The following PCNX2 variants were observed in gnomAD, a reference collection of about 807,000 sequenced individuals.
The protein encoded by PCNX2 is pecanex-like protein 2.
PCNX2 carries 168 observed loss-of-function variants against 223.8 expected under a neutral mutation model. The observed-to-expected ratio is 0.75, with a 90% CI of 0.66 to 0.85. The LOEUF (loss-of-function observed/expected upper bound fraction) is 0.85, where lower values mean the gene tolerates loss of function less well. Ranked by LOEUF, PCNX2 falls within the 40% of genes least tolerant of loss-of-function variation. The pLI is 0.00. For synonymous variants in PCNX2, 1,006 were observed against 1,052.6 expected, an observed-to-expected ratio of 0.96 and a Z score of 0.86; for missense variants, 2,507 against 2,675.5, an observed-to-expected ratio of 0.94 and a Z score of 1.39.
chr1:233,155,599 A>G (rs1031885534), intron 19 of PCNX2, among the ~76,000 whole-genome samples: 1 of 152,250 alleles, frequency 6.6e-6, no homozygotes, highest in Non-Finnish European at 1.5e-5. Flanking sequence ...GTAAGAGTAC[A>G]GTCATCAAAT....
At chr1:233,204,490 C>T (rs1045103071) in intron 13 of PCNX2, among the ~76,000 whole-genome samples, 1 of 152,170 alleles carries the variant, frequency 6.6e-6, no homozygotes, top group African/African-American at 2.4e-5. Flanking sequence ...TTTCTTCTCT[C>T]CTTGCTAGTT....
At chr1:233,235,444 T>C (rs1425389836) in intron 9 of PCNX2, among the ~76,000 whole-genome samples, 9 of 151,750 alleles carry the variant, frequency 5.9e-5, no homozygotes. Context: ...AGCCACTGTA[T>C]CTGGCAACTG....
At chr1:233,160,788 A>G (rs1188265311) in intron 18 of PCNX2, among the ~76,000 whole-genome samples, 2 of 152,322 alleles carry the variant, frequency 1.3e-5, no homozygotes, top group Non-Finnish European at 2.9e-5. Context: ...ATATTTTTGT[A>G]TAGAGAAAGC....
At chr1:233,266,733 G>T (rs1660350791) in intron 1 of PCNX2, among the ~76,000 whole-genome samples, 2 of 152,130 alleles carry the variant, frequency 1.3e-5, no homozygotes, top group Admixed American at 6.5e-5. Context: ...TTATTTCTAT[G>T]AGCTTTTCAT....
In PCNX2 at chr1:233,236,715, A is replaced by G. The variant is rs973949123; in HGVS notation, c.2358+130T>C. The G allele has an allele frequency of 5.9e-6, 8 of 1,356,264 alleles. No individual in the cohort carries two copies. The Admixed American group carries it at 1.7e-4, about 29-fold the overall frequency. 84.0% of individuals were successfully genotyped at this position (1,356,264 alleles called of 1,614,324 possible). A position where few individuals can be genotyped will look rare whatever the true frequency, so the allele number is the denominator to read the frequency against. ...TCAGTAGACTGCCTTGCAGTGATATATCAACAACCCGTGATGCAAAATTCA... is the reference window on the plus strand; with the variant it reads ...TCAGTAGACTGCCTTGCAGTGATATGTCAACAACCCGTGATGCAAAATTCA... On this transcript the variant is annotated intron_variant, in intron 9 of 33. Transcript: ENST00000258229.
At chr1:233,209,085 T>C (rs1681677127) in intron 12 of PCNX2, among the ~76,000 whole-genome samples, 2 of 152,204 alleles carry the variant, frequency 1.3e-5, no homozygotes, top group South Asian at 4.1e-4. Flanking sequence ...TGCTCTACAC[T>C]TGGGTGCCAC....
intron 25 of PCNX2, among the ~76,000 whole-genome samples, chr1:233,035,080 G>A (rs1054961959): frequency 1.3e-5 from 2 of 152,220 alleles, no homozygotes; most frequent in Non-Finnish European, 2.9e-5. Flanking sequence ...CAAGAGATAA[G>A]AGGAAACATG....
At chr1:233,319,608 T>C in the PCNX2 span, among the ~76,000 whole-genome samples, 1 of 152,270 alleles carries the variant, frequency 6.6e-6, no homozygotes, top group Non-Finnish European at 1.5e-5. Flanking sequence ...TTGTCTGTAC[T>C]GCCCGTGTTA....
At chr1:233,167,115 A>T (rs1204088455) in intron 17 of PCNX2, among the ~76,000 whole-genome samples, 1 of 152,258 alleles carries the variant, frequency 6.6e-6, no homozygotes. Flanking sequence ...CACTGTTCAC[A>T]ATAGCCAAGA....
In PCNX2 at chr1:233,006,207, G is replaced by A. The variant is rs1670279173; in HGVS notation, c.4953-4526C>T. On this transcript the variant is annotated intron_variant, in intron 28 of 33. Transcript: ENST00000258229. Reference sequence around the variant, plus strand: ...GAAAAATGTCACGCTTTCAGATGACGATGAGGAGCTAACACTTGAGGACAT... The same window carrying A: ...GAAAAATGTCACGCTTTCAGATGACAATGAGGAGCTAACACTTGAGGACAT... 2.6e-5 allele frequency among the ~76,000 whole-genome samples: 4 copies of A among 152,258 alleles called. No homozygotes were observed. In the South Asian group the frequency reaches 8.3e-4, roughly 32 times the overall value.
At chr1:232,995,896 C>T (rs186602180) in intron 32 of PCNX2, among the ~76,000 whole-genome samples, 26 of 152,198 alleles carry the variant, frequency 1.7e-4, no homozygotes, top group African/African-American at 5.8e-4. Context: ...CCTCTCCCCC[C>T]ACCCAGGCTG....
intron 17 of PCNX2, among the ~76,000 whole-genome samples, chr1:233,173,922 T>A (rs1261362352): frequency 6.6e-6 from 1 of 151,684 alleles, no homozygotes; most frequent in Non-Finnish European, 1.5e-5. Flanking sequence ...CTCTTATTAA[T>A]CATAGTTGAT....
intron 28 of PCNX2, among the ~76,000 whole-genome samples, chr1:233,003,377 T>C (rs968538022): frequency 3.3e-5 from 5 of 152,236 alleles, no homozygotes; most frequent in Admixed American, 6.5e-5. Flanking sequence ...AAGACATTTA[T>C]GCGGCCAACA....
chr1:233,250,150 G>C (rs1046021246), intron 8 of PCNX2, among the ~76,000 whole-genome samples: 1 of 152,182 alleles, frequency 6.6e-6, no homozygotes, highest in Non-Finnish European at 1.5e-5. Context: ...AAAGAATCTT[G>C]AAGCCCAGGA....
intron 3 of PCNX2, among the ~76,000 whole-genome samples, chr1:233,261,568 G>A (rs1388157100): frequency 6.6e-6 from 1 of 152,150 alleles, no homozygotes; most frequent in Admixed American, 6.5e-5. Flanking sequence ...AAGAAAGTAA[G>A]CAAAGAAGGA....
At chr1:233,239,182 T>C (rs995155053) in intron 8 of PCNX2, among the ~76,000 whole-genome samples, 2 of 152,142 alleles carry the variant, frequency 1.3e-5, no homozygotes, top group African/African-American at 4.8e-5. Flanking sequence ...TGATCATAAA[T>C]AGGCAAGAGT....
intron 1 of PCNX2, among the ~76,000 whole-genome samples, chr1:233,277,707 T>C (rs916734893): frequency 6.6e-6 from 1 of 152,138 alleles, no homozygotes; most frequent in African/African-American, 2.4e-5. Context: ...TGGCTTCAAC[T>C]GTGATGCAGA....
intron 12 of PCNX2, among the ~76,000 whole-genome samples, chr1:233,215,395 T>C (rs929203076): frequency 3.3e-5 from 5 of 152,242 alleles, no homozygotes; most frequent in South Asian, 2.1e-4. Context: ...GACTATGTCT[T>C]ACAAAAGTGA....
chr1:233,159,412 G>C (rs1678330097), intron 19 of PCNX2, among the ~76,000 whole-genome samples: 1 of 152,110 alleles, frequency 6.6e-6, no homozygotes, highest in Non-Finnish European at 1.5e-5. Context: ...AGTACTTTAA[G>C]TCCACAAACC....
Sources: gnomAD v4.1 joint callset for allele counts (sites outside exome capture counted in the v4.1 genomes callset) on GRCh38, gnomAD v4.1.1 for gene constraint, MANE v1.5 for transcripts, NCBI Gene and HGNC (gene_info 2026-07-23, HGNC 2026-07-21) for gene names.